OTUD7B: variants seen among roughly 807,000 people sequenced by gnomAD.
OTUD7B encodes OTU domain-containing protein 7B.
In OTUD7B, 34 loss-of-function variants were observed where a neutral mutation model predicts 82.2. The observed-to-expected ratio is 0.41, with a 90% CI of 0.31 to 0.55. The LOEUF is 0.55. Among genes scored for constraint, OTUD7B ranks in the 20% least tolerant of loss-of-function variants. The probability of loss-of-function intolerance (pLI) is 0.20; values close to 1 mark genes in which losing one functional copy is unlikely to be tolerated. For synonymous variants in OTUD7B, 398 were observed against 402.7 expected (o/e 0.99, Z 0.14); for missense variants, 944 against 1,062.1 (o/e 0.89, Z 1.55).
chr1:150,003,169 G>A (rs1652416190), intron 1 of OTUD7B, among the ~76,000 whole-genome samples: 1 of 150,182 alleles, frequency 6.7e-6, no homozygotes, highest in Admixed American at 6.7e-5. Flanking sequence ...AGAATGGCGT[G>A]AACCCGGGAG....
the OTUD7B span, among the ~76,000 whole-genome samples, chr1:150,045,051 A>G: frequency 1.3e-5 from 2 of 152,000 alleles, no homozygotes; most frequent in African/African-American, 2.4e-5. Context: ...TCAGATTTCA[A>G]ATCCCATATG....
intron 1 of OTUD7B, among the ~76,000 whole-genome samples, chr1:149,993,574 A>C (rs1651740841): frequency 6.6e-6 from 1 of 152,230 alleles, no homozygotes; most frequent in African/African-American, 2.4e-5. Context: ...AAATTTATTA[A>C]ACAATTTACT....
At chr1:150,037,249 C>CTA in the OTUD7B span, among the ~76,000 whole-genome samples, 1 of 146,994 alleles carries the variant, frequency 6.8e-6, no homozygotes, top group Non-Finnish European at 1.5e-5. Context: ...AAAATACCCT[C>CTA]TTTTTTTTTT....
At chr1:149,948,849 C>T (rs1373837230) in intron 10 of OTUD7B, 120 bp downstream of exon 10, 3 of 676,868 alleles carry the variant, frequency 4.4e-6, no homozygotes, top group African/African-American at 3.6e-5. Flanking sequence ...CCCATCTTCC[C>T]AAAACTCATC....
intron 1 of OTUD7B, among the ~76,000 whole-genome samples, chr1:149,992,152 G>T (rs1390830286): frequency 6.6e-6 from 1 of 152,258 alleles, no homozygotes; most frequent in East Asian, 1.9e-4. Flanking sequence ...TTGAACCCGG[G>T]AGGCGGAGGT....
At chr1:150,012,655 G>C (rs587737602), upstream of OTUD7B, among the ~76,000 whole-genome samples, 20 of 152,310 alleles carry the variant, frequency 1.3e-4, no homozygotes, top group South Asian at 3.9e-3. Flanking sequence ...ACCATAGAAG[G>C]TCTCCAGATT....
the OTUD7B span, chr1:150,053,854 A>G: frequency 4.0e-5 from 12 of 300,722 alleles, no homozygotes; most frequent in South Asian, 1.3e-3. Flanking sequence ...GCTCTTTTCC[A>G]TCTTACAAGA....
At chr1:150,038,873 C>A in the OTUD7B span, among the ~76,000 whole-genome samples, 1 of 152,106 alleles carries the variant, frequency 6.6e-6, no homozygotes, top group African/African-American at 2.4e-5. Context: ...ATTAACTCAT[C>A]TATAATTCTT....
In OTUD7B at chr1:149,938,483, A is replaced by AAAACAG. The variant is rs1296913338; in HGVS notation, c.*5373_*5374insCTGTTT. On this transcript the variant is annotated 3_prime_UTR_variant, in exon 12 of 12. Coordinates refer to ENST00000581312, the MANE Select transcript of OTUD7B (RefSeq NM_020205.4). Reference sequence around the variant, plus strand: ...CGCAAAAAAAAAAAAAAAAAAAAAGACATAGGAAGAGGTGTGTACCATAAC... The same window carrying AAAACAG: ...CGCAAAAAAAAAAAAAAAAAAAAAGAAAACAGCATAGGAAGAGGTGTGTACCATAAC... 4.8e-5 allele frequency: 4 copies of AAAACAG among 82,914 alleles called. 2 individuals carry two copies. Among genetic ancestry groups the AAAACAG allele is most frequent in the Non-Finnish European group, 8.4e-5 (4 of 47,568 alleles). The allele number at this position is 82,914 out of a possible 1,614,324, so 5.1% of individuals were successfully genotyped here.
chr1:149,961,408 G>A (rs1423497749), intron 6 of OTUD7B: 1 of 152,326 alleles, frequency 6.6e-6, no homozygotes, highest in African/African-American at 2.4e-5. Flanking sequence ...CCAGGATGGA[G>A]TGTGGTGGCA....
At chr1:150,030,187 T>C in the OTUD7B span, among the ~76,000 whole-genome samples, 2 of 152,358 alleles carry the variant, frequency 1.3e-5, no homozygotes, top group East Asian at 3.9e-4. Flanking sequence ...ACCATCTTCC[T>C]TTATGACCAT....
intron 11 of OTUD7B, among the ~76,000 whole-genome samples, chr1:149,946,022 T>G (rs1290481815): frequency 1.3e-5 from 2 of 148,370 alleles, no homozygotes; most frequent in East Asian, 4.0e-4. Context: ...ATCGCACCAT[T>G]GCACTCCAGC....
the OTUD7B span, chr1:150,048,366 C>T: frequency 6.6e-6 from 1 of 152,152 alleles, no homozygotes; most frequent in African/African-American, 2.4e-5. Context: ...CTGGATCTAA[C>T]ACCATTTGGG....
chr1:149,975,109 T>C (rs1305349122), intron 2 of OTUD7B, among the ~76,000 whole-genome samples: 3 of 152,188 alleles, frequency 2.0e-5, no homozygotes, highest in Non-Finnish European at 4.4e-5. Flanking sequence ...CTCTTGCACC[T>C]TAGGGCCCTT....
At chr1:150,019,188 G>A in the OTUD7B span, among the ~76,000 whole-genome samples, 1 of 151,990 alleles carries the variant, frequency 6.6e-6, no homozygotes, top group African/African-American at 2.4e-5. Flanking sequence ...CTCAATTCAC[G>A]TTGCTACAAT....
chr1:150,006,876 A>G (rs1441738607), intron 1 of OTUD7B, among the ~76,000 whole-genome samples: 1 of 152,238 alleles, frequency 6.6e-6, no homozygotes, highest in Admixed American at 6.5e-5. Flanking sequence ...GGTACAGAAA[A>G]TAAGAGTCAC....
At chr1:149,982,730 C>T (rs1650850593) in intron 1 of OTUD7B, among the ~76,000 whole-genome samples, 1 of 151,876 alleles carries the variant, frequency 6.6e-6, no homozygotes, top group South Asian at 2.1e-4. Flanking sequence ...TCCACAACAA[C>T]AACTCAAACC....
intron 1 of OTUD7B, among the ~76,000 whole-genome samples, chr1:149,989,840 C>T (rs1158418752): frequency 6.1e-5 from 1 of 16,364 alleles, no homozygotes; most frequent in Non-Finnish European, 1.1e-4. Context: ...CTTCTTATTA[C>T]TATCGTCATT....
chr1:150,012,626 A>G (rs1653128898), upstream of OTUD7B, among the ~76,000 whole-genome samples: 1 of 152,100 alleles, frequency 6.6e-6, no homozygotes, highest in South Asian at 2.1e-4. Context: ...TCAATATAAG[A>G]CTTTTTCTTT....
Sources: gnomAD v4.1 joint callset for allele counts (sites outside exome capture counted in the v4.1 genomes callset) on GRCh38, gnomAD v4.1.1 for gene constraint, MANE v1.5 for transcripts, NCBI Gene and HGNC (gene_info 2026-07-23, HGNC 2026-07-21) for gene names.